The following MCF2L variants were observed in gnomAD, a reference collection of about 807,000 sequenced individuals.
MCF2L encodes guanine nucleotide exchange factor DBS.
In MCF2L, 97 loss-of-function variants were observed where a neutral mutation model predicts 153.4. The observed-to-expected ratio is 0.63, with a 90% CI of 0.54 to 0.75. The LOEUF is 0.75. Ranked by LOEUF, MCF2L falls within the 30% of genes least tolerant of loss-of-function variation. The pLI is 0.00. For synonymous variants in MCF2L, 659 were observed against 632.2 expected (o/e 1.04, Z -0.64); for missense variants, 1,347 against 1,495.2 (o/e 0.90, Z 1.64).
At chr13:113,029,920 T>A (rs564931939) in intron 3 of MCF2L, among the ~76,000 whole-genome samples, 1 of 152,368 alleles carries the variant, frequency 6.6e-6, no homozygotes, top group South Asian at 2.1e-4. Flanking sequence ...TGAAGGCTGC[T>A]TTTAAGGGGT....
intron 3 of MCF2L, among the ~76,000 whole-genome samples, chr13:113,032,004 C>G (rs904214479): frequency 2.6e-5 from 4 of 152,216 alleles, no homozygotes; most frequent in African/African-American, 9.6e-5. Flanking sequence ...CCCCACAGAC[C>G]TGCACATGTA....
intron 2 of MCF2L, among the ~76,000 whole-genome samples, chr13:112,947,830 G>A (rs2081653042): frequency 6.6e-6 from 1 of 152,208 alleles, no homozygotes; most frequent in Non-Finnish European, 1.5e-5. Flanking sequence ...CATTGCCCTG[G>A]TGGAGACTCT....
intron 2 of MCF2L, among the ~76,000 whole-genome samples, chr13:112,913,441 C>A (rs1237755636): frequency 1.3e-5 from 2 of 152,128 alleles, no homozygotes. Context: ...CAGCTGCAGG[C>A]ATTTTTCAAA....
In MCF2L at chr13:112,930,966, TC is replaced by T. The variant is rs1165335519; in HGVS notation, c.169+28596del. Reference sequence around the variant, plus strand: ...AAATAAATAAATAGTAAAAATCATTTCGGAGGTCAGAGGGGTCCCCGGAAGG... The same window carrying T: ...AAATAAATAAATAGTAAAAATCATTTGGAGGTCAGAGGGGTCCCCGGAAGG... On this transcript the variant is annotated intron_variant, in intron 2 of 29. Coordinates refer to the MCF2L transcript ENST00000375608. 2.6e-5 allele frequency among the ~76,000 whole-genome samples: 4 copies of T among 152,182 alleles called. No individual in the cohort carries two copies. In the East Asian group the frequency reaches 7.7e-4, roughly 29 times the overall value.
chr13:112,994,781 A>G (rs1211311576), intron 1 of MCF2L, among the ~76,000 whole-genome samples: 2 of 152,108 alleles, frequency 1.3e-5, no homozygotes, highest in African/African-American at 2.4e-5. Context: ...AAGCGGTCCC[A>G]TCTACACAGG....
chr13:112,963,002 G>A (rs1027194626), intron 2 of MCF2L, among the ~76,000 whole-genome samples: 1 of 152,184 alleles, frequency 6.6e-6, no homozygotes, highest in Non-Finnish European at 1.5e-5. Context: ...TGTTTGAAGG[G>A]GTGGGTCCCG....
At chr13:112,974,559 GATC>G (rs1451252756) in intron 1 of MCF2L, among the ~76,000 whole-genome samples, 1 of 152,178 alleles carries the variant, frequency 6.6e-6, no homozygotes, top group African/African-American at 2.4e-5. Flanking sequence ...CACATTTGTT[GATC>G]ATCAATACCA....
chr13:113,066,180 G>T lies in MCF2L; in HGVS notation c.881+10G>T. ...AGGCCACCGTGCAGAGGTGAGGCCC[G>T]GCTGCCTTCCTGCCCTCATCCTGTC... On this transcript the variant is annotated intron_variant, in intron 8 of 29. Transcript: ENST00000535094. 2 of 1,601,478 alleles carry T rather than the reference G, an allele frequency of 1.2e-6. No individual in the cohort carries two copies. Among genetic ancestry groups the T allele is most frequent in the African/African-American group, 1.3e-5 (1 of 74,916 alleles).
chr13:112,961,822 G>A (rs1188863909), intron 2 of MCF2L, among the ~76,000 whole-genome samples: 1 of 152,182 alleles, frequency 6.6e-6, no homozygotes, highest in African/African-American at 2.4e-5. Context: ...CTGATGGATG[G>A]CCTGCTGGGG....
intron 17 of MCF2L, among the ~76,000 whole-genome samples, chr13:113,082,762 C>T (rs1285380259): frequency 1.3e-5 from 2 of 152,104 alleles, no homozygotes; most frequent in Admixed American, 1.3e-4. Context: ...TCTAGGCAGC[C>T]AAGTTGTAAG....
chr13:112,962,948 G>C (rs373828027), intron 2 of MCF2L, among the ~76,000 whole-genome samples: 42 of 152,360 alleles, frequency 2.8e-4, no homozygotes, highest in African/African-American at 9.9e-4. Context: ...CATCTGGCCT[G>C]TCCAGATGCG....
chr13:112,930,113 G>A lies in MCF2L; in HGVS notation c.169+27742G>A, dbSNP rs549924372. Among the ~76,000 whole-genome samples, 13 of 152,300 alleles carry A rather than the reference G, an allele frequency of 8.5e-5. No homozygotes were observed. In the South Asian group the frequency reaches 1.0e-3, roughly 12 times the overall value. ...GAGCTCTCGTTCACTGGGATGGAGC[G>A]GAGGGAGTGGGGAAGACAGTATGGC... On this transcript the variant is annotated intron_variant, in intron 2 of 29. Coordinates refer to the MCF2L transcript ENST00000375608.
intron 7 of MCF2L, chr13:113,065,303 A>C: frequency 1.8e-6 from 1 of 569,130 alleles, no homozygotes; most frequent in Non-Finnish European, 3.1e-6. Flanking sequence ...GTGTAAATGA[A>C]CCCTGTAGAT....
intron 2 of MCF2L, among the ~76,000 whole-genome samples, chr13:112,955,261 A>C (rs544324082): frequency 3.4e-5 from 5 of 149,186 alleles, no homozygotes; most frequent in Admixed American, 2.6e-4. Context: ...TCAGAGCAGG[A>C]TGAGTGGAGC....
At chr13:113,065,968 G>C (rs991274883) in intron 7 of MCF2L, 78 bp from the exon 8 acceptor site, 41 of 1,482,050 alleles carry the variant, frequency 2.8e-5, no homozygotes, top group Non-Finnish European at 3.1e-5. Flanking sequence ...TCAAGAGCAA[G>C]GCCCCACGAG....
At chr13:113,080,454 G>A (rs201678573) in intron 15 of MCF2L, among the ~76,000 whole-genome samples, 12 of 152,174 alleles carry the variant, frequency 7.9e-5, no homozygotes, top group Non-Finnish European at 1.2e-4. Flanking sequence ...TGCCGAGTCC[G>A]GGGCCTCTGC....
chr13:112,995,827 G>A (rs1326140368), intron 1 of MCF2L, among the ~76,000 whole-genome samples: 1 of 152,180 alleles, frequency 6.6e-6, no homozygotes, highest in Non-Finnish European at 1.5e-5. Context: ...CCAGGTGAGT[G>A]AGCAGGCGTG....
intron 1 of MCF2L, among the ~76,000 whole-genome samples, chr13:112,897,273 G>A (rs1485732864): frequency 2.6e-5 from 4 of 152,128 alleles, no homozygotes; most frequent in South Asian, 2.1e-4. Flanking sequence ...TATGGCCACC[G>A]AGAAGCTTTT....
chr13:113,071,344 G>C (rs1259488930), intron 9 of MCF2L, among the ~76,000 whole-genome samples: 5 of 152,026 alleles, frequency 3.3e-5, no homozygotes, highest in Non-Finnish European at 7.4e-5. Flanking sequence ...ATTTTCTCCT[G>C]GTCTGTAACT....
Sources: gnomAD v4.1 joint callset for allele counts (sites outside exome capture counted in the v4.1 genomes callset) on GRCh38, gnomAD v4.1.1 for gene constraint, MANE v1.5 for transcripts, NCBI Gene and HGNC (gene_info 2026-07-23, HGNC 2026-07-21) for gene names.